The following RHCE variants were observed in gnomAD, a reference collection of about 807,000 sequenced individuals.
RHCE encodes Rh blood group CcEe antigens.
A neutral mutation model predicts 43.8 loss-of-function variants in RHCE; 22 were observed. The ratio of observed to expected loss-of-function variants is 0.50; its 90% confidence interval spans 0.36 to 0.72. The LOEUF (loss-of-function observed/expected upper bound fraction) is 0.72. RHCE is among the 30% of genes least tolerant of loss of function. The pLI is 0.00. For missense variants in RHCE, 385 were observed against 525.4 expected (o/e 0.73, Z 2.61); for synonymous variants, 156 against 210.7 (o/e 0.74, Z 2.25).
At chr1:25,428,782 T>C (rs1283030484) in intron 2 of RHCE, among the ~76,000 whole-genome samples, 3 of 152,136 alleles carry the variant, frequency 2.0e-5, no homozygotes, top group Non-Finnish European at 2.9e-5. Context: ...CTCTGCAGGG[T>C]ATAGATTTGA....
intron 6 of RHCE, among the ~76,000 whole-genome samples, chr1:25,387,567 A>C (rs944643450): frequency 6.6e-6 from 1 of 152,218 alleles, no homozygotes; most frequent in African/African-American, 2.4e-5. Context: ...CCTGATGGTA[A>C]CTTGCTATGT....
intron 9 of RHCE, among the ~76,000 whole-genome samples, chr1:25,369,730 ATT>A (rs3080376): frequency 3.5e-4 from 33 of 95,472 alleles, no homozygotes; most frequent in African/African-American, 1.2e-3. Context: ...CACTGTAAGA[ATT>A]TTTTTTTTTT....
chr1:25,397,043 C>T (rs1295320538), intron 3 of RHCE, among the ~76,000 whole-genome samples: 49 of 124,638 alleles, frequency 3.9e-4, no homozygotes, highest in Admixed American at 1.1e-3. Context: ...ATCCAGGAGG[C>T]GGAGGTTGCA....
intron 2 of RHCE, among the ~76,000 whole-genome samples, chr1:25,404,108 C>T (rs559429016): frequency 1.4e-4 from 21 of 144,840 alleles, no homozygotes; most frequent in African/African-American, 4.6e-4. Context: ...GCAGAGGTTG[C>T]AGTCAGCCGA....
chr1:25,401,503 G>A lies in RHCE; in HGVS notation c.486+1093C>T, dbSNP rs888729438. Among the ~76,000 whole-genome samples, 6 of 152,118 alleles carry A rather than the reference G, an allele frequency of 3.9e-5. 1 individual carries two copies. The highest frequency in any genetic ancestry group is 1.4e-4 in the African/African-American group (6 of 41,416). ...TTCTCACCTATGAGATGGGAAGGTTGGCTATGTCCTCACTCAGGGTCAGGG... is the reference window on the plus strand; with the variant it reads ...TTCTCACCTATGAGATGGGAAGGTTAGCTATGTCCTCACTCAGGGTCAGGG... On this transcript the variant is annotated intron_variant, in intron 3 of 9. Coordinates refer to ENST00000294413, the MANE Select transcript of RHCE (RefSeq NM_020485.8).
chr1:25,408,426 G>A lies in RHCE; in HGVS notation c.335+257C>T, dbSNP rs1325868195. On this transcript the variant is annotated intron_variant, in intron 2 of 9. Coordinates refer to ENST00000294413, the MANE Select transcript of RHCE (RefSeq NM_020485.8). ...TACAAAATCATAATCGACAATAACA[G>A]GAAAGAAAGGATGCAGGAGGAATGT... is the stretch of plus-strand genomic sequence containing the variant. 6.5e-5 allele frequency among the ~76,000 whole-genome samples: 8 copies of A among 123,298 alleles called. 3 individuals are homozygous for A. In the East Asian group the frequency reaches 3.2e-3, roughly 50 times the overall value. 80.9% of individuals were successfully genotyped at this position (123,298 alleles called of 152,430 possible). A position where few individuals can be genotyped will look rare whatever the true frequency, so the allele number is the denominator to read the frequency against.
At chr1:25,418,663 T>C (rs2042670851) in intron 1 of RHCE, among the ~76,000 whole-genome samples, 1 of 152,228 alleles carries the variant, frequency 6.6e-6, no homozygotes, top group Non-Finnish European at 1.5e-5. Flanking sequence ...CAGTCTGCTC[T>C]AGTGTGTGCA....
intron 1 of RHCE, among the ~76,000 whole-genome samples, chr1:25,418,570 T>C (rs2092326): frequency 0.58 from 88,357 of 152,168 alleles, 26,914 homozygotes; most frequent in African/African-American, 0.75. Flanking sequence ...CCCAAAGTGC[T>C]GGGATTACAG....
Position 25,386,876 on chromosome 1 carries a change from CACAA to C in RHCE, c.940-1036_940-1033del, listed in dbSNP as rs1393261176. Among the ~76,000 whole-genome samples, 301 of 136,990 alleles carry C rather than the reference CACAA, an allele frequency of 2.2e-3. 1 individual carries two copies. Among genetic ancestry groups the C allele is most frequent in the African/African-American group, 7.5e-3 (284 of 37,954 alleles). The allele number at this position is 136,990 out of a possible 152,430, so 89.9% of individuals were successfully genotyped here. A position where few individuals can be genotyped will look rare whatever the true frequency, so the allele number is the denominator to read the frequency against. ...ACACACACACACACACACACACACA[CACAA>C]ATTAGCCAGGCATGGTGGTGGGCAC... is the stretch of plus-strand genomic sequence containing the variant. On this transcript the variant is annotated intron_variant, in intron 6 of 9. Transcript: ENST00000294413.
intron 3 of RHCE, among the ~76,000 whole-genome samples, chr1:25,394,154 A>G (rs1391778808): frequency 2.0e-5 from 3 of 151,766 alleles, no homozygotes; most frequent in Non-Finnish European, 4.4e-5. Context: ...GTGCCCGGCT[A>G]ATTTTTGTAT....
At chr1:25,391,576 C>G (rs1042218562) in intron 4 of RHCE, among the ~76,000 whole-genome samples, 56 of 152,156 alleles carry the variant, frequency 3.7e-4, no homozygotes, top group African/African-American at 1.3e-3. Flanking sequence ...AAGCTCACTG[C>G]CCGATTTTCT....
At chr1:25,419,802 A>G in intron 1 of RHCE, 1 of 118,724 alleles carries the variant, frequency 8.4e-6, no homozygotes, top group Non-Finnish European at 1.7e-5. Flanking sequence ...CCAGCCCCTA[A>G]GTGAGAAGAA....
intron 4 of RHCE, 126 bp downstream of exon 4, chr1:25,391,868 C>T: frequency 7.3e-7 from 1 of 1,366,446 alleles, no homozygotes; most frequent in Admixed American, 1.7e-5. Flanking sequence ...AGAAGTGAAT[C>T]ATGATGGAAG....
At chr1:25,385,998 A>C (rs1350084462) in intron 6 of RHCE, among the ~76,000 whole-genome samples, 154 bp from the exon 7 acceptor site, 1 of 152,078 alleles carries the variant, frequency 6.6e-6, no homozygotes, top group African/African-American at 2.4e-5. Context: ...ATGTGTACTC[A>C]CATCAATGGG....
chr1:25,378,417 C>G (rs1645852831), intron 7 of RHCE, among the ~76,000 whole-genome samples: 1 of 152,154 alleles, frequency 6.6e-6, no homozygotes, highest in African/African-American at 2.4e-5. Context: ...TGGAAACTAC[C>G]CAAATCCTCC....
At chr1:25,404,935 A>C (rs1646868753) in intron 2 of RHCE, among the ~76,000 whole-genome samples, 1 of 151,930 alleles carries the variant, frequency 6.6e-6, no homozygotes, top group African/African-American at 2.4e-5. Flanking sequence ...TCACACCTGT[A>C]ATCTTAGCAC....
intron 2 of RHCE, among the ~76,000 whole-genome samples, chr1:25,402,995 C>A (rs1454103020): frequency 2.9e-5 from 4 of 139,102 alleles, no homozygotes; most frequent in African/African-American, 1.1e-4. Context: ...TGCCTCAGTG[C>A]CTTCATCTAT....
At position 25,392,061 on chromosome 1, in the gene RHCE, C is replaced by T; in HGVS notation, c.567G>A (p.Lys189=). 2 of 1,614,162 alleles carry T rather than the reference C, an allele frequency of 1.2e-6. No individual in the cohort carries two copies. The highest frequency in any genetic ancestry group is 1.7e-6 in the Non-Finnish European group (2 of 1,180,036). Residue 189 remains lysine (K), a synonymous_variant, in exon 4 of 10, where the codon AAG becomes AAA. Transcript: ENST00000294413. ...TATCCTCCGTTCCCTTGGGTAGAGG[C>T]TTTGGCAGGCACCAGGCCACAGTCA... ...FGLTVAWCLP[K]PLPKGTEDND... is the part of the protein sequence containing the mutation.
intron 2 of RHCE, among the ~76,000 whole-genome samples, chr1:25,405,447 G>A (rs763711753): frequency 1.3e-5 from 2 of 152,204 alleles, no homozygotes; most frequent in Non-Finnish European, 2.9e-5. Flanking sequence ...GAGGTCAGGA[G>A]TTCGAGACCA....
Sources: gnomAD v4.1 joint callset for allele counts (sites outside exome capture counted in the v4.1 genomes callset) on GRCh38, gnomAD v4.1.1 for gene constraint, MANE v1.5 for transcripts, NCBI Gene and HGNC (gene_info 2026-07-23, HGNC 2026-07-21) for gene names.